Variants in SYT1 observed in about 807,000 individuals in gnomAD.
The protein encoded by SYT1 is synaptotagmin-1.
A neutral mutation model predicts 44.8 loss-of-function variants in SYT1; 8 were observed. The observed-to-expected ratio is 0.18, with a 90% CI of 0.10 to 0.32. The LOEUF (loss-of-function observed/expected upper bound fraction) is 0.32. Among genes scored for constraint, SYT1 ranks in the 10% least tolerant of loss-of-function variants. The pLI is 1.00. For missense variants in SYT1, 286 were observed against 509.3 expected, an observed-to-expected ratio of 0.56 and a Z score of 4.22; for synonymous variants, 154 against 188.8, an observed-to-expected ratio of 0.82 and a Z score of 1.51.
chr12:79,320,648 CTTTTTT>C (rs746685561), intron 8 of SYT1, among the ~76,000 whole-genome samples: 5 of 128,768 alleles, frequency 3.9e-5, no homozygotes, highest in African/African-American at 1.2e-4. Context: ...TCTTTTTCCC[CTTTTTT>C]TTTTTTTTTT....
chr12:78,931,238 A>AGGAAGGAAGGAAG (rs1187572734), intron 1 of SYT1, among the ~76,000 whole-genome samples: 2 of 41,120 alleles, frequency 4.9e-5, no homozygotes, highest in African/African-American at 2.3e-4. Context: ...AAAGAAAGAA[A>AGGAAGGAAGGAAG]GAAGGAAGGA....
At chr12:79,033,646 G>T (rs1024874675) in intron 2 of SYT1, among the ~76,000 whole-genome samples, 1 of 151,210 alleles carries the variant, frequency 6.6e-6, no homozygotes, top group Non-Finnish European at 1.5e-5. Context: ...TGAAATCATG[G>T]CTTCATAAGT....
chr12:78,994,064 T>G (rs2137497756), intron 2 of SYT1, among the ~76,000 whole-genome samples: 1 of 152,340 alleles, frequency 6.6e-6, no homozygotes, highest in East Asian at 1.9e-4. Context: ...ACATGTGTGG[T>G]TTTTCTTAAG....
At chr12:79,118,945 C>G (rs1443692119) in intron 3 of SYT1, among the ~76,000 whole-genome samples, 1 of 152,224 alleles carries the variant, frequency 6.6e-6, no homozygotes, top group Non-Finnish European at 1.5e-5. Flanking sequence ...CTAAACATCT[C>G]TTCCTTGTCC....
At chr12:79,051,053 A>C (rs1352922836) in intron 3 of SYT1, among the ~76,000 whole-genome samples, 1 of 151,840 alleles carries the variant, frequency 6.6e-6, no homozygotes, top group African/African-American at 2.4e-5. Flanking sequence ...TTGAAAAAAA[A>C]ATCTGTGCTA....
At position 79,028,684 on chromosome 12, in the gene SYT1, T is replaced by C. The variant is rs370884777; in HGVS notation, c.-83-18613T>C. Reference sequence around the variant, plus strand: ...TTAGGTATAATTGGTAAATAGTTAATATAGTCTTACTTTGGTCTAAAATGT... The same window carrying C: ...TTAGGTATAATTGGTAAATAGTTAACATAGTCTTACTTTGGTCTAAAATGT... On this transcript the variant is annotated intron_variant, in intron 2 of 10. Transcript: ENST00000261205. Among the ~76,000 whole-genome samples the C allele has an allele frequency of 4.6e-5, 7 of 151,396 alleles. No homozygotes were observed. In the East Asian group the frequency reaches 7.8e-4, roughly 17 times the overall value.
chr12:79,440,784 T>A (rs983193578), intron 9 of SYT1, among the ~76,000 whole-genome samples: 5 of 152,182 alleles, frequency 3.3e-5, no homozygotes, highest in Non-Finnish European at 5.9e-5. Flanking sequence ...TTAGAATTTT[T>A]AAAATTGTAT....
chr12:79,210,933 GTT>G (rs573715825), intron 3 of SYT1, among the ~76,000 whole-genome samples: 44 of 135,152 alleles, frequency 3.3e-4, no homozygotes, highest in Middle Eastern at 3.8e-3. Flanking sequence ...ACATTTTAAA[GTT>G]TTTTTTTTTT....
At chr12:79,374,462 G>C (rs562684820) in intron 9 of SYT1, among the ~76,000 whole-genome samples, 1 of 152,228 alleles carries the variant, frequency 6.6e-6, no homozygotes, top group African/African-American at 2.4e-5. Flanking sequence ...ATTTATTAAT[G>C]TGATACCTAA....
chr12:79,014,139 G>GAAAAAAAAAAAAAAAAAAAAA (rs1170016597), intron 2 of SYT1, among the ~76,000 whole-genome samples: 1 of 90,404 alleles, frequency 1.1e-5, no homozygotes, highest in African/African-American at 4.5e-5. Flanking sequence ...AAAAAAAAAA[G>GAAAAAAAAAAAAAAAAAAAAA]AAAAAAAAAA....
At chr12:78,977,206 A>G (rs1243247549) in intron 1 of SYT1, among the ~76,000 whole-genome samples, 1 of 152,204 alleles carries the variant, frequency 6.6e-6, no homozygotes, top group Non-Finnish European at 1.5e-5. Context: ...CCTACCACCC[A>G]GATGCTTTAG....
At chr12:79,283,891 TAA>T (rs1421130858) in intron 4 of SYT1, among the ~76,000 whole-genome samples, 2 of 151,524 alleles carry the variant, frequency 1.3e-5, no homozygotes, top group African/African-American at 4.9e-5. Flanking sequence ...TATCCAGTCA[TAA>T]GCCAGAATAT....
intron 3 of SYT1, among the ~76,000 whole-genome samples, chr12:79,212,598 CAAT>C (rs1874528422): frequency 6.6e-6 from 1 of 150,748 alleles, no homozygotes; most frequent in Non-Finnish European, 1.5e-5. Flanking sequence ...ATTGTCTATT[CAAT>C]AATATTTTTC....
intron 3 of SYT1, among the ~76,000 whole-genome samples, chr12:79,179,016 A>C (rs1872126493): frequency 1.0e-4 from 3 of 28,576 alleles, no homozygotes; most frequent in African/African-American, 3.9e-4. Flanking sequence ...AGATATATAG[A>C]TATAGATATA....
intron 1 of SYT1, among the ~76,000 whole-genome samples, chr12:78,924,822 C>T (rs1388957442): frequency 2.6e-5 from 4 of 151,252 alleles, no homozygotes; most frequent in African/African-American, 9.7e-5. Flanking sequence ...TGATTTTCTA[C>T]TTTCCCTCAC....
chr12:79,363,275 A>G (rs1382007190), intron 9 of SYT1, among the ~76,000 whole-genome samples: 1 of 152,208 alleles, frequency 6.6e-6, no homozygotes, highest in Non-Finnish European at 1.5e-5. Flanking sequence ...TATTAGAAAC[A>G]TGTAGCAAAA....
At chr12:79,044,364 C>A (rs552196376) in intron 2 of SYT1, among the ~76,000 whole-genome samples, 2 of 152,174 alleles carry the variant, frequency 1.3e-5, no homozygotes, top group South Asian at 4.2e-4. Flanking sequence ...CTTCTCGCTT[C>A]ATTTCATTCA....
At chr12:79,028,083 T>C (rs1275364323) in intron 2 of SYT1, among the ~76,000 whole-genome samples, 1 of 151,532 alleles carries the variant, frequency 6.6e-6, no homozygotes, top group African/African-American at 2.4e-5. Context: ...ATCAATTGCT[T>C]GTTCAAGTAA....
intron 9 of SYT1, among the ~76,000 whole-genome samples, chr12:79,421,456 G>C (rs1340751159): frequency 1.3e-5 from 2 of 152,070 alleles, no homozygotes; most frequent in African/African-American, 2.4e-5. Flanking sequence ...GAGTTCAAAG[G>C]TCACACTTTG....
Sources: allele counts gnomAD v4.1 joint callset (sites outside exome capture counted in the v4.1 genomes callset), GRCh38; gene constraint gnomAD v4.1.1; transcripts MANE v1.5; gene names NCBI Gene and HGNC (gene_info 2026-07-23, HGNC 2026-07-21).